SORCS1: variants seen among roughly 807,000 people sequenced by gnomAD.
The protein encoded by SORCS1 is VPS10 domain-containing receptor SorCS1.
A neutral mutation model predicts 146.1 loss-of-function variants in SORCS1; 60 were observed. That is an observed-to-expected ratio of 0.41 (90% CI 0.33 to 0.51). SORCS1 has a LOEUF of 0.51. SORCS1 is among the 20% of genes least tolerant of loss of function. The pLI is 0.21. For missense variants in SORCS1, 1,352 were observed against 1,487.6 expected (o/e 0.91, Z 1.50); for synonymous variants, 637 against 584.0 (o/e 1.09, Z -1.31).
intron 1 of SORCS1, among the ~76,000 whole-genome samples, chr10:107,141,561 A>G (rs1967845947): frequency 6.6e-6 from 1 of 152,200 alleles, no homozygotes; most frequent in African/African-American, 2.4e-5. Context: ...TCATGTAATA[A>G]AAAGAAGTTA....
chr10:106,609,615 T>G (rs1409806869), intron 22 of SORCS1, among the ~76,000 whole-genome samples: 1 of 152,142 alleles, frequency 6.6e-6, no homozygotes, highest in Non-Finnish European at 1.5e-5. Context: ...TAGGGAGCCT[T>G]GAAAACTAGA....
At chr10:107,175,191 G>A in the SORCS1 span, among the ~76,000 whole-genome samples, 36 of 152,150 alleles carry the variant, frequency 2.4e-4, no homozygotes, top group Admixed American at 2.3e-3. Flanking sequence ...GTATATTCAT[G>A]AGATATCCTG....
At chr10:106,673,576 T>C (rs1851777181) in intron 14 of SORCS1, among the ~76,000 whole-genome samples, 1 of 152,190 alleles carries the variant, frequency 6.6e-6, no homozygotes, top group Non-Finnish European at 1.5e-5. Context: ...CTTGTACATA[T>C]TGTGCCACAG....
chr10:106,904,983 G>A (rs1466410367), intron 2 of SORCS1, among the ~76,000 whole-genome samples: 2 of 152,176 alleles, frequency 1.3e-5, no homozygotes, highest in African/African-American at 4.8e-5. Context: ...AAATATTGCT[G>A]TCAAAAACGG....
rs150288806 is a variant in SORCS1 at position 107,016,214 on chromosome 10, T to C, written c.559-59634A>G. 3.7e-4 allele frequency among the ~76,000 whole-genome samples: 57 copies of C among 152,284 alleles called. 3 individuals carry two copies. In the East Asian group the frequency reaches 0.011, roughly 29 times the overall value. On this transcript the variant is annotated intron_variant, in intron 1 of 25. Transcript: ENST00000263054. ...GCTCACAAGACATACGTGCATAATA[T>C]ATGACAAAGGTTGCACTGTAGAATA...
rs550332665 is a variant in SORCS1 at position 106,986,638 on chromosome 10, C to T, written c.559-30058G>A. On this transcript the variant is annotated intron_variant, in intron 1 of 25. Transcript: ENST00000263054. ...AGATTGTAAATTGCTTGATATTTTT[C>T]TCACAGGTACTAAAGCTCTGCTTAT... Among the ~76,000 whole-genome samples, 3 of 151,930 alleles carry T rather than the reference C, an allele frequency of 2.0e-5. No homozygotes were observed. The East Asian group carries it at 5.8e-4, about 29-fold the overall frequency.
chr10:106,804,708 C>A (rs1475253513), intron 3 of SORCS1, among the ~76,000 whole-genome samples: 1 of 152,096 alleles, frequency 6.6e-6, no homozygotes, highest in Non-Finnish European at 1.5e-5. Context: ...CTTAAATAGA[C>A]TTTTCCTAGC....
intron 8 of SORCS1, among the ~76,000 whole-genome samples, chr10:106,699,818 A>G (rs1232672746): frequency 6.6e-6 from 1 of 152,214 alleles, no homozygotes; most frequent in Non-Finnish European, 1.5e-5. Flanking sequence ...ATGTCTCAGC[A>G]TGGCTCATGG....
intron 1 of SORCS1, among the ~76,000 whole-genome samples, chr10:107,072,498 T>C (rs547925585): frequency 3.0e-4 from 46 of 152,138 alleles, no homozygotes; most frequent in Non-Finnish European, 5.4e-4. Flanking sequence ...AATCTGTAAT[T>C]TCACTTAATC....
At chr10:106,953,646 G>C (rs1954808186) in intron 2 of SORCS1, among the ~76,000 whole-genome samples, 1 of 152,100 alleles carries the variant, frequency 6.6e-6, no homozygotes, top group South Asian at 2.1e-4. Context: ...CGAAGGTATA[G>C]CATACTACTT....
intron 1 of SORCS1, among the ~76,000 whole-genome samples, chr10:107,024,048 C>A (rs1225985871): frequency 1.3e-5 from 2 of 151,974 alleles, no homozygotes; most frequent in Non-Finnish European, 2.9e-5. Flanking sequence ...GTGGCGTATG[C>A]CTGTAGTCCC....
chr10:106,752,791 G>T (rs116093566), intron 5 of SORCS1, among the ~76,000 whole-genome samples: 2,091 of 152,158 alleles, frequency 0.014, 30 homozygotes, highest in African/African-American at 0.037. Flanking sequence ...GAGGAAGTGG[G>T]CAGGGATAAT....
chr10:106,981,131 T>C (rs145158096), intron 1 of SORCS1, among the ~76,000 whole-genome samples: 2 of 152,246 alleles, frequency 1.3e-5, no homozygotes, highest in East Asian at 3.9e-4. Flanking sequence ...AGAAAATGTG[T>C]TTAGGTTGTC....
At chr10:106,617,826 T>C (rs1476844742) in intron 21 of SORCS1, among the ~76,000 whole-genome samples, 1 of 152,246 alleles carries the variant, frequency 6.6e-6, no homozygotes, top group East Asian at 1.9e-4. Context: ...AGCTATTTTA[T>C]TTTGTAACTG....
At chr10:106,797,657 C>CATCAATCTG in intron 3 of SORCS1, among the ~76,000 whole-genome samples, 1 of 152,194 alleles carries the variant, frequency 6.6e-6, no homozygotes, top group African/African-American at 2.4e-5. Flanking sequence ...TGGGGTAAAA[C>CATCAATCTG]ATCAATCTGA....
At chr10:106,808,748 C>T (rs2136748091) in intron 3 of SORCS1, among the ~76,000 whole-genome samples, 1 of 152,166 alleles carries the variant, frequency 6.6e-6, no homozygotes, top group African/African-American at 2.4e-5. Context: ...ATGATCCGCC[C>T]ACCTTGGCCT....
At chr10:107,052,650 C>T (rs1233863598) in intron 1 of SORCS1, among the ~76,000 whole-genome samples, 26 of 152,090 alleles carry the variant, frequency 1.7e-4, no homozygotes, top group Admixed American at 1.6e-3. Flanking sequence ...TTCAGAACAA[C>T]GACATTACAG....
At chr10:106,677,194 G>A (rs1852093391) in intron 13 of SORCS1, 119 bp downstream of exon 13, 7 of 923,094 alleles carry the variant, frequency 7.6e-6, no homozygotes, top group South Asian at 1.6e-5. Flanking sequence ...ACCAAACCTC[G>A]GCATTTTGGT....
chr10:106,806,454 C>T (rs1484782638), intron 3 of SORCS1, among the ~76,000 whole-genome samples: 4 of 145,308 alleles, frequency 2.8e-5, no homozygotes, highest in African/African-American at 1.0e-4. Flanking sequence ...GTCTACCTAC[C>T]CATGGATATA....
Sources: allele counts gnomAD v4.1 joint callset (sites outside exome capture counted in the v4.1 genomes callset), GRCh38; gene constraint gnomAD v4.1.1; transcripts MANE v1.5; gene names NCBI Gene and HGNC (gene_info 2026-07-23, HGNC 2026-07-21).